PLA2R1: variants seen among roughly 807,000 people sequenced by gnomAD.
PLA2R1 encodes secretory phospholipase A2 receptor.
PLA2R1 carries 158 observed loss-of-function variants against 195.9 expected under a neutral mutation model. The ratio of observed to expected loss-of-function variants is 0.81; its 90% confidence interval spans 0.71 to 0.92. The LOEUF is 0.92. PLA2R1 is among the 40% of genes least tolerant of loss of function. The pLI is 0.00. For synonymous variants in PLA2R1, 586 were observed against 598.2 expected (o/e 0.98, Z 0.30); for missense variants, 1,626 against 1,764.6 (o/e 0.92, Z 1.41).
intron 1 of PLA2R1, among the ~76,000 whole-genome samples, chr2:160,055,342 C>T (rs1160990941): frequency 6.6e-6 from 1 of 152,190 alleles, no homozygotes; most frequent in Non-Finnish European, 1.5e-5. Context: ...GGCAGCTAAA[C>T]CACTATCCGA....
At chr2:160,032,256 A>C (rs1323869282) in intron 4 of PLA2R1, among the ~76,000 whole-genome samples, 1 of 152,220 alleles carries the variant, frequency 6.6e-6, no homozygotes, top group Non-Finnish European at 1.5e-5. Flanking sequence ...CATATGCAAT[A>C]AAATTTGAAA....
intron 3 of PLA2R1, 107 bp downstream of exon 3, chr2:160,041,918 T>C (rs1694543839): frequency 2.2e-6 from 2 of 894,984 alleles, no homozygotes; most frequent in East Asian, 2.4e-5. Flanking sequence ...AGGGTTCTTA[T>C]TCAGACTTCA....
At chr2:160,057,975 G>A (rs994196896) in intron 1 of PLA2R1, among the ~76,000 whole-genome samples, 4 of 152,096 alleles carry the variant, frequency 2.6e-5, no homozygotes, top group Non-Finnish European at 5.9e-5. Flanking sequence ...CTTCCTGCCC[G>A]TTGGTGGGTC....
At chr2:160,034,886 T>C (rs1476921619) in intron 3 of PLA2R1, among the ~76,000 whole-genome samples, 1 of 152,106 alleles carries the variant, frequency 6.6e-6, no homozygotes, top group Non-Finnish European at 1.5e-5. Context: ...CTGGGCAACA[T>C]GGTGAAAATT....
chr2:160,013,011 A>G (rs1692470991), intron 10 of PLA2R1, among the ~76,000 whole-genome samples: 1 of 152,224 alleles, frequency 6.6e-6, no homozygotes, highest in African/African-American at 2.4e-5. Flanking sequence ...ATATATTAGA[A>G]AAGCTGGATA....
intron 7 of PLA2R1, among the ~76,000 whole-genome samples, chr2:160,021,576 T>C (rs1050280711): frequency 6.6e-6 from 1 of 152,126 alleles, no homozygotes; most frequent in African/African-American, 2.4e-5. Flanking sequence ...AGCTAAACAA[T>C]GGGGACACAT....
chr2:159,958,063 T>C (rs1688210645), intron 20 of PLA2R1, among the ~76,000 whole-genome samples: 1 of 152,188 alleles, frequency 6.6e-6, no homozygotes, highest in Admixed American at 6.5e-5. Context: ...ATATCTGATA[T>C]AGTTTGGATG....
chr2:160,053,444 G>A lies in PLA2R1; in HGVS notation c.110-8287C>T, dbSNP rs979790327. Among the ~76,000 whole-genome samples the A allele has an allele frequency of 9.2e-4, 140 of 151,856 alleles. 1 individual carries two copies. Among genetic ancestry groups the A allele is most frequent in the Non-Finnish European group, 1.9e-4 (13 of 68,020 alleles). ...AGGGTCCAGGGTGCAATGAAAATAC[G>A]TGGTTTTGGCTGGACATGGGGAAGT... On this transcript the variant is annotated intron_variant, in intron 1 of 29. Coordinates refer to ENST00000283243, the MANE Select transcript of PLA2R1 (RefSeq NM_007366.5).
At position 159,951,525 on chromosome 2, in the gene PLA2R1, AG is replaced by A; in HGVS notation, c.3354del (p.Leu1119Ter). On this transcript the variant is annotated frameshift_variant, in exon 24 of 30. Coordinates refer to ENST00000283243, the MANE Select transcript of PLA2R1 (RefSeq NM_007366.5). LOFTEE classifies it high-confidence loss of function. ...TTGTAAGTTCTGTTTCCATATTCTA[AG>A]GTATTGGGCATTGGATACATATCAG... ...NTSDMYPMPN[T>X]LEYGNRTYKI... 1 of 1,606,266 alleles carries A rather than the reference AG, an allele frequency of 6.2e-7. No individual in the cohort carries two copies. Among genetic ancestry groups the A allele is most frequent in the Non-Finnish European group, 8.5e-7 (1 of 1,172,606 alleles).
intron 1 of PLA2R1, among the ~76,000 whole-genome samples, chr2:160,059,878 G>T (rs1301539727): frequency 6.6e-6 from 1 of 152,142 alleles, no homozygotes; most frequent in Non-Finnish European, 1.5e-5. Flanking sequence ...GAATAGCATG[G>T]GAAAGATTGG....
chr2:160,012,678 T>C (rs1158881790), intron 10 of PLA2R1, among the ~76,000 whole-genome samples: 4 of 152,156 alleles, frequency 2.6e-5, no homozygotes, highest in Non-Finnish European at 5.9e-5. Flanking sequence ...TTTGGGAGGC[T>C]GAGGCAGGTG....
At chr2:160,013,514 T>G in intron 9 of PLA2R1, 139 bp from the exon 10 acceptor site, 2 of 476,448 alleles carry the variant, frequency 4.2e-6, no homozygotes, top group Non-Finnish European at 7.5e-6. Context: ...TGTCTTGATA[T>G]TTTTATATTT....
chr2:159,950,665 C>T (rs1687674866), intron 24 of PLA2R1, among the ~76,000 whole-genome samples: 1 of 152,132 alleles, frequency 6.6e-6, no homozygotes, highest in South Asian at 2.1e-4. Flanking sequence ...AGAATAGGAT[C>T]TCATTTGTGC....
chr2:159,976,696 C>A lies in PLA2R1; in HGVS notation c.2426G>T (p.Trp809Leu). ...PRDVKPKIPF[W>L]YQYDVPWLFY... ...AGAGTCATTCTTACCGTACTGGTAC[C>A]AGAACGGAATCTTGGGTTTCACATC... is the stretch of plus-strand genomic sequence containing the variant. Residue 809 changes from tryptophan to leucine, a missense_variant, in exon 16 of 30, where the codon TGG (tryptophan) becomes TTG (leucine). Physicochemically the swap from Trp to Leu is moderately conservative, Grantham distance 61 (BLOSUM62 -2). Coordinates refer to ENST00000283243, the MANE Select transcript of PLA2R1 (RefSeq NM_007366.5). 1 of 1,608,990 alleles carries A rather than the reference C, an allele frequency of 6.2e-7. No homozygotes were observed. Among genetic ancestry groups the A allele is most frequent in the Middle Eastern group, 1.7e-4 (1 of 6,052 alleles).
intron 17 of PLA2R1, among the ~76,000 whole-genome samples, chr2:159,975,360 A>G (rs1407855024): frequency 6.6e-6 from 1 of 152,214 alleles, no homozygotes; most frequent in Non-Finnish European, 1.5e-5. Context: ...AACACACTGA[A>G]AAAGTACACT....
At chr2:160,003,629 A>C (rs1691759772) in intron 11 of PLA2R1, among the ~76,000 whole-genome samples, 1 of 152,184 alleles carries the variant, frequency 6.6e-6, no homozygotes, top group African/African-American at 2.4e-5. Flanking sequence ...AAAATGTAAA[A>C]GGTTGTTACA....
At chr2:160,019,640 G>A (rs2666997) in intron 8 of PLA2R1, among the ~76,000 whole-genome samples, 110,199 of 152,084 alleles carry the variant, frequency 0.72, 40,379 homozygotes, top group East Asian at 0.87. Flanking sequence ...CTATACCACA[G>A]TCTAGAAACC....
intron 2 of PLA2R1, among the ~76,000 whole-genome samples, chr2:160,042,838 TGTGTATGTGTGA>T (rs1284987501): frequency 5.7e-4 from 24 of 42,268 alleles, no homozygotes; most frequent in Non-Finnish European, 9.2e-4. Flanking sequence ...TGTGTGTGTG[TGTGTATGTGTGA>T]GACAGAGGGA....
At chr2:160,024,059 T>A (rs1693341348) in intron 6 of PLA2R1, among the ~76,000 whole-genome samples, 2 of 152,186 alleles carry the variant, frequency 1.3e-5, no homozygotes, top group Non-Finnish European at 2.9e-5. Context: ...CTAAGCCCAT[T>A]TGAGGGAGCT....
Sources: allele counts gnomAD v4.1 joint callset (sites outside exome capture counted in the v4.1 genomes callset), GRCh38; gene constraint gnomAD v4.1.1; transcripts MANE v1.5; gene names NCBI Gene and HGNC (gene_info 2026-07-23, HGNC 2026-07-21).